CAND1: variants seen among roughly 807,000 people sequenced by gnomAD.
CAND1 encodes cullin-associated NEDD8-dissociated protein 1.
CAND1 carries 7 observed loss-of-function variants against 108.5 expected under a neutral mutation model. The ratio of observed to expected loss-of-function variants is 0.06; its 90% confidence interval spans 0.04 to 0.12. The LOEUF is 0.12. CAND1 is among the 10% of genes least tolerant of loss of function. CAND1 has a pLI of 1.00. For synonymous variants in CAND1, 534 were observed against 512.0 expected, an observed-to-expected ratio of 1.04 and a Z score of -0.58; for missense variants, 941 against 1,448.7, an observed-to-expected ratio of 0.65 and a Z score of 5.69.
At chr12:67,271,273 T>G (rs908901958) in intron 1 of CAND1, among the ~76,000 whole-genome samples, 1 of 152,246 alleles carries the variant, frequency 6.6e-6, no homozygotes, top group Non-Finnish European at 1.5e-5. Context: ...TGTGTTGTTT[T>G]ACGGATTGGA....
At chr12:67,269,834 C>A (rs1439905680) in intron 1 of CAND1, 49 bp downstream of exon 1, 2 of 1,522,904 alleles carry the variant, frequency 1.3e-6, no homozygotes, top group Non-Finnish European at 1.8e-6. Flanking sequence ...CTCGCAGCCG[C>A]GGCCCTGGCC....
rs1465619373 is a variant in CAND1 at position 67,295,142 on chromosome 12, T to A, written c.477T>A (p.Ala159=). Residue 159 remains alanine (A), a synonymous_variant, in exon 4 of 15, where the codon GCT becomes GCA. Coordinates refer to ENST00000545606, the MANE Select transcript of CAND1 (RefSeq NM_018448.5). ...SVQLEALDIM[A]DMLSRQGGLL... ...AGCTAGAAGCCTTGGATATTATGGC[T>A]GATATGTTGAGCAGGTAAGTGTGCC... 1 of 1,612,106 alleles carries A rather than the reference T, an allele frequency of 6.2e-7. No homozygotes were observed. The highest frequency in any genetic ancestry group is 1.7e-5 in the Admixed American group (1 of 59,868).
intron 10 of CAND1, among the ~76,000 whole-genome samples, chr12:67,307,032 A>G (rs1335539795): frequency 1.3e-5 from 2 of 152,168 alleles, no homozygotes; most frequent in Non-Finnish European, 2.9e-5. Flanking sequence ...TAGTAATATT[A>G]ATAGCAGTAA....
chr12:67,314,746 T>G lies in CAND1; in HGVS notation c.*1916T>G, dbSNP rs577432631. ...TTCAAGATGCATGTTTTGTTTTGTT[T>G]TGCTTTGTTTTTGTCTCTTAAGCCA... On this transcript the variant is annotated 3_prime_UTR_variant, in exon 15 of 15. Transcript: ENST00000545606. The G allele has an allele frequency of 2.0e-5, 3 of 152,242 alleles. No homozygotes were observed. Among genetic ancestry groups the G allele is most frequent in the Non-Finnish European group, 4.4e-5 (3 of 68,042 alleles). The allele number at this position is 152,242 out of a possible 1,614,324, so 9.4% of individuals were successfully genotyped here. A position where few individuals can be genotyped will look rare whatever the true frequency, so the allele number is the denominator to read the frequency against.
chr12:67,297,515 C>T lies in CAND1; in HGVS notation c.600C>T (p.Gly200=), dbSNP rs776166294. The T allele has an allele frequency of 6.2e-7, 1 of 1,614,054 alleles. No homozygotes were observed. ...AVRKRTIIAL[G]HLVMSCGNIV... ...GGAAAAGAACCATTATCGCTCTTGG[C>T]CATCTGGTTATGAGCTGTGGAAATA... The change falls in exon 5 of 15, where the codon GGC becomes GGT. Residue 200 remains glycine (G), a synonymous_variant. Coordinates refer to ENST00000545606, the MANE Select transcript of CAND1 (RefSeq NM_018448.5).
At chr12:67,270,732 T>C (rs1421906580) in intron 1 of CAND1, 1 of 150,808 alleles carries the variant, frequency 6.6e-6, no homozygotes, top group Non-Finnish European at 1.5e-5. Context: ...TTGCATTCTT[T>C]CCCGCCTCCC....
At position 67,317,475 on chromosome 12, in the gene CAND1, T is replaced by TTTTA; in HGVS notation, c.*4648_*4649insATTT. On this transcript the variant is annotated 3_prime_UTR_variant, in exon 15 of 15. Transcript: ENST00000545606. ...TTTTTCTTTTTTTTTCTTTCTTAAT[T>TTTTA]TTTTTTTTTTTTTTTTTTTTTGAGA... The TTTTA allele has an allele frequency of 1.0e-5, 1 of 96,296 alleles. No individual in the cohort carries two copies. Among genetic ancestry groups the TTTTA allele is most frequent in the Non-Finnish European group, 2.1e-5 (1 of 47,224 alleles). The allele number at this position is 96,296 out of a possible 1,614,324, so 6.0% of individuals were successfully genotyped here.
Position 67,292,792 on chromosome 12 carries a change from T to A in CAND1, c.367+16T>A. 6.2e-7 allele frequency: 1 copy of A among 1,611,274 alleles called. No homozygotes were observed. Among genetic ancestry groups the A allele is most frequent in the Non-Finnish European group, 8.5e-7 (1 of 1,178,832 alleles). On this transcript the variant is annotated intron_variant, in intron 3 of 14. Coordinates refer to ENST00000545606, the MANE Select transcript of CAND1 (RefSeq NM_018448.5). ...GCTTCCAGTGGTAAGCAAGAGCACA[T>A]TTTTCTTCCTATTTCTTTTTGTGTG...
chr12:67,275,922 G>A lies in CAND1; in HGVS notation c.69-5988G>A, dbSNP rs192955818. Among the ~76,000 whole-genome samples the A allele has an allele frequency of 9.5e-4, 144 of 152,300 alleles. 3 individuals carry two copies. The highest frequency in any genetic ancestry group is 1.9e-4 in the East Asian group (1 of 5,188). On this transcript the variant is annotated intron_variant, in intron 1 of 14. Transcript: ENST00000545606. Reference sequence around the variant, plus strand: ...TGGGAATTCCATTGAAGTCTGAAACGTAAACATTTATCTTTTTCTTTTCCC... The same window carrying A: ...TGGGAATTCCATTGAAGTCTGAAACATAAACATTTATCTTTTTCTTTTCCC...
chr12:67,294,885 C>A, intron 3 of CAND1, 148 bp from the exon 4 acceptor site: 1 of 636,372 alleles, frequency 1.6e-6, no homozygotes, highest in Non-Finnish European at 2.4e-6. Context: ...GAAAAGCAGC[C>A]TGTTTTGAAA....
chr12:67,269,520 C>A lies in CAND1; in HGVS notation c.-198C>A, dbSNP rs999817135. The A allele has an allele frequency of 1.8e-6, 1 of 557,402 alleles. No homozygotes were observed. The highest frequency in any genetic ancestry group is 2.0e-5 in the African/African-American group (1 of 49,264). 34.5% of individuals were successfully genotyped at this position (557,402 alleles called of 1,614,324 possible). ...GCTGGCTCTGTAGCCTCGGCTTACC[C>A]CGGGACAGGCCCACGCCTCGCCAGG... On this transcript the variant is annotated 5_prime_UTR_variant, in exon 1 of 15. Coordinates refer to ENST00000545606, the MANE Select transcript of CAND1 (RefSeq NM_018448.5).
chr12:67,305,792 T>G lies in CAND1; in HGVS notation c.2124T>G (p.Val708=). Residue 708 remains valine (V), a synonymous_variant, in exon 10 of 15, where the codon GTT becomes GTG. Transcript: ENST00000545606. The surrounding 1 kb of genome is among the most constrained non-coding windows in gnomAD (Gnocchi z 4.4). ...PPLISESDMH[V]SQMAISFLTT... is the part of the protein sequence containing the mutation. ...TTATCAGCGAAAGTGATATGCATGTTTCACAAATGGCCATCAGTTTTCTTA... is the reference window on the plus strand; with the variant it reads ...TTATCAGCGAAAGTGATATGCATGTGTCACAAATGGCCATCAGTTTTCTTA... 6.2e-7 allele frequency: 1 copy of G among 1,614,186 alleles called. No homozygotes were observed. The highest frequency in any genetic ancestry group is 8.5e-7 in the Non-Finnish European group (1 of 1,180,024).
Position 67,298,755 on chromosome 12 carries a change from T to C in CAND1, c.855-195T>C, listed in dbSNP as rs1483369382. Among the ~76,000 whole-genome samples, 3 of 152,148 alleles carry C rather than the reference T, an allele frequency of 2.0e-5. No individual in the cohort carries two copies. In the East Asian group the frequency reaches 5.8e-4, roughly 29 times the overall value. ...TTAGGGGAGTTCATCTTAAAATTGA[T>C]TAAATAAGTACAATTTGAAAGGTAA... On this transcript the variant is annotated intron_variant, in intron 6 of 14. Transcript: ENST00000545606.
In CAND1 at chr12:67,306,562, C is replaced by T. The variant is rs1281933522; in HGVS notation, c.2894C>T (p.Thr965Ile). The change falls in exon 10 of 15, where the codon ACT becomes ATT. Residue 965 changes from threonine (T) to isoleucine (I), a missense_variant. Coordinates refer to ENST00000545606, the MANE Select transcript of CAND1 (RefSeq NM_018448.5). ...AAACTCACTCTAATTGATCCAGAAACTCTCCTTCCACGGCTTAAGGGGTAC... is the reference window on the plus strand; with the variant it reads ...AAACTCACTCTAATTGATCCAGAAATTCTCCTTCCACGGCTTAAGGGGTAC... Reference protein sequence around the residue: ...LGKLTLIDPETLLPRLKGYLI... With the variant: ...LGKLTLIDPEILLPRLKGYLI... 1.2e-6 allele frequency: 2 copies of T among 1,613,604 alleles called. No individual in the cohort carries two copies. Among genetic ancestry groups the T allele is most frequent in the Admixed American group, 1.7e-5 (1 of 60,002 alleles).
chr12:67,295,038 G>T lies in CAND1; in HGVS notation c.373G>T (p.Ala125Ser). ...TTGGCTTCTTATTCATGCAGGCTCTGCATTAGCTGCTAATGTATGTAAAAA... is the reference window on the plus strand; with the variant it reads ...TTGGCTTCTTATTCATGCAGGCTCTTCATTAGCTGCTAATGTATGTAAAAA... ...GELPPASSGS[A>S]LAANVCKKIT... Residue 125 changes from alanine (A) to serine (S), a missense_variant, in exon 4 of 15, where the codon GCA (alanine) becomes TCA (serine). Ala to Ser is a moderately conservative substitution (Grantham distance 99). This residue lies in a region of CAND1 where 697 missense variants were observed against 942.0 expected (regional missense o/e 0.74). Transcript: ENST00000545606. The T allele has an allele frequency of 6.2e-7, 1 of 1,610,610 alleles. No individual in the cohort carries two copies. The highest frequency in any genetic ancestry group is 8.5e-7 in the Non-Finnish European group (1 of 1,178,240).
At chr12:67,275,005 G>A (rs957006300) in intron 1 of CAND1, among the ~76,000 whole-genome samples, 1 of 152,168 alleles carries the variant, frequency 6.6e-6, no homozygotes, top group Non-Finnish European at 1.5e-5. Context: ...TAGATTTGCA[G>A]AGATTAAGAA....
intron 14 of CAND1, among the ~76,000 whole-genome samples, chr12:67,312,393 G>T (rs959389283): frequency 6.6e-6 from 1 of 152,066 alleles, no homozygotes; most frequent in Non-Finnish European, 1.5e-5. Context: ...TAGATTTTCT[G>T]TTTTTATAAT....
intron 1 of CAND1, among the ~76,000 whole-genome samples, chr12:67,272,955 A>G (rs553958530): frequency 1.3e-5 from 2 of 152,264 alleles, no homozygotes; most frequent in African/African-American, 2.4e-5. Context: ...TGGGCCTCCC[A>G]GAGTGCTGGG....
chr12:67,295,560 G>A (rs2044761582), intron 4 of CAND1, among the ~76,000 whole-genome samples: 1 of 152,178 alleles, frequency 6.6e-6, no homozygotes, highest in Non-Finnish European at 1.5e-5. Context: ...TATTTTAGGG[G>A]AGGGAGGACC....
Sources: allele counts gnomAD v4.1 joint callset (sites outside exome capture counted in the v4.1 genomes callset), GRCh38; gene constraint gnomAD v4.1.1; regional missense constraint gnomAD v4.1.1; non-coding constraint Gnocchi (gnomAD v3.1); transcripts MANE v1.5; gene names NCBI Gene and HGNC (gene_info 2026-07-23, HGNC 2026-07-21).